Variants in ANKRD30BL observed in about 807,000 individuals in gnomAD.
ANKRD30BL encodes putative ankyrin repeat domain-containing protein 30B-like.
Under a neutral mutation model 18.4 loss-of-function variants are expected in ANKRD30BL, and 20 were observed. That is an observed-to-expected ratio of 1.09 (90% confidence interval 0.77 to 1.58). The LOEUF is 1.58. ANKRD30BL is among the 40% of genes most tolerant of loss of function. The pLI, the probability that ANKRD30BL is intolerant of heterozygous loss-of-function variation, is 0.00. For missense variants in ANKRD30BL, 224 were observed against 268.6 expected (o/e 0.83, Z 1.16); for synonymous variants, 72 against 100.9 (o/e 0.71, Z 1.72).
chr2:132,164,269 C>CTTTTTTTTTTTTTTTT (rs796313755), upstream of ANKRD30BL, among the ~76,000 whole-genome samples: 6 of 112,210 alleles, frequency 5.3e-5, no homozygotes, highest in East Asian at 1.2e-3. Flanking sequence ...TTTTCTTTTT[C>CTTTTTTTTTTTTTTTT]TTTTTTTTTT....
intron 1 of ANKRD30BL, among the ~76,000 whole-genome samples, chr2:132,220,575 A>G (rs62165524): frequency 0.17 from 25,680 of 151,366 alleles, 4,843 homozygotes; most frequent in African/African-American, 0.47. Flanking sequence ...TGTGTTGGCC[A>G]GGCCGGTCTC....
At chr2:132,168,028 T>C (rs1288540060) in intron 1 of ANKRD30BL, among the ~76,000 whole-genome samples, 1 of 152,206 alleles carries the variant, frequency 6.6e-6, no homozygotes, top group Non-Finnish European at 1.5e-5. Context: ...TTATTGTGTA[T>C]CTGAATTTCT....
intron 1 of ANKRD30BL, among the ~76,000 whole-genome samples, chr2:132,231,988 G>A (rs1357754594): frequency 6.6e-6 from 1 of 152,224 alleles, no homozygotes; most frequent in Non-Finnish European, 1.5e-5. Flanking sequence ...CTGGAGATCT[G>A]AGAACTGGCA....
chr2:132,157,019 A>T lies in ANKRD30BL; in HGVS notation c.461T>A (p.Val154Glu), dbSNP rs1209079126. Residue 154 changes from valine to glutamate, a missense_variant, in exon 3 of 6, where the codon GTG (valine) becomes GAG (glutamate). By Grantham distance (121) the Val-to-Glu change is moderately radical. Around this residue, in one of 3 missense-constraint regions of ANKRD30BL, gnomAD observed 30 missense variants for 77.5 expected, o/e 0.39. Transcript: ENST00000409867. The part of the protein sequence containing the change: ...YAVNSENLSV[V>E]AKLLSCGADI... ...TGCACCACAGGACAGCAATTTTGCC[A>T]CCACTGACAAATTCTCACTGTTAAC... 8.9e-6 allele frequency: 12 copies of T among 1,348,210 alleles called. No homozygotes were observed. The highest frequency in any genetic ancestry group is 1.2e-5 in the Non-Finnish European group (12 of 965,508). 83.5% of individuals were successfully genotyped at this position (1,348,210 alleles called of 1,614,324 possible).
upstream of ANKRD30BL, among the ~76,000 whole-genome samples, chr2:132,164,916 AAAAC>A (rs869277801): frequency 1.3e-5 from 2 of 152,160 alleles, no homozygotes; most frequent in African/African-American, 4.8e-5. Flanking sequence ...TACAAATACA[AAAAC>A]AAAATTAGCC....
chr2:132,199,316 C>T (rs371847948), intron 1 of ANKRD30BL, among the ~76,000 whole-genome samples: 20 of 152,076 alleles, frequency 1.3e-4, no homozygotes, highest in East Asian at 1.2e-3. Context: ...GCCAAGGATG[C>T]GCCACTGCAC....
At chr2:132,212,612 T>C (rs1260029090) in intron 1 of ANKRD30BL, among the ~76,000 whole-genome samples, 2 of 151,848 alleles carry the variant, frequency 1.3e-5, no homozygotes, top group Non-Finnish European at 2.9e-5. Context: ...TTGGAGTGCT[T>C]TGAGGCCTAT....
intron 1 of ANKRD30BL, among the ~76,000 whole-genome samples, chr2:132,246,157 C>T (rs201371086): frequency 3.3e-5 from 5 of 150,030 alleles, no homozygotes; most frequent in South Asian, 4.2e-4. Context: ...AAGCATTCTC[C>T]GAAACTTCTT....
At chr2:132,168,760 C>A (rs1298879881) in intron 1 of ANKRD30BL, among the ~76,000 whole-genome samples, 2 of 152,032 alleles carry the variant, frequency 1.3e-5, no homozygotes, top group South Asian at 4.1e-4. Context: ...GAAAGTGTAA[C>A]TTTGTAAGTT....
At chr2:132,245,388 T>C (rs936262323) in intron 1 of ANKRD30BL, among the ~76,000 whole-genome samples, 1 of 149,812 alleles carries the variant, frequency 6.7e-6, no homozygotes, top group East Asian at 2.0e-4. Context: ...TTTTGGAGTA[T>C]TTGGAATTGG....
chr2:132,179,492 T>G (rs1403308896), intron 1 of ANKRD30BL, among the ~76,000 whole-genome samples: 3 of 152,112 alleles, frequency 2.0e-5, no homozygotes, highest in Non-Finnish European at 2.9e-5. Flanking sequence ...TTTCACCATG[T>G]TGGCCAGGCT....
At chr2:132,221,707 C>G (rs1182421385) in intron 1 of ANKRD30BL, among the ~76,000 whole-genome samples, 2 of 117,594 alleles carry the variant, frequency 1.7e-5, no homozygotes, top group African/African-American at 4.4e-5. Flanking sequence ...GATCAGCCCC[C>G]TGCCTGGCCA....
At chr2:132,222,078 G>A (rs1444500498) in intron 1 of ANKRD30BL, among the ~76,000 whole-genome samples, 1 of 146,192 alleles carries the variant, frequency 6.8e-6, no homozygotes, top group Non-Finnish European at 1.5e-5. Context: ...CCGTCCGGGA[G>A]GGAGGTCGGG....
chr2:132,232,454 G>T (rs564040091), intron 1 of ANKRD30BL, among the ~76,000 whole-genome samples: 1 of 152,074 alleles, frequency 6.6e-6, no homozygotes, highest in South Asian at 2.1e-4. Context: ...TTAGAAGCAC[G>T]TATAACTAGA....
intron 1 of ANKRD30BL, among the ~76,000 whole-genome samples, chr2:132,180,737 G>A (rs1688445928): frequency 6.6e-6 from 1 of 152,084 alleles, no homozygotes; most frequent in Non-Finnish European, 1.5e-5. Flanking sequence ...TAACGATTAT[G>A]ATATACTCTG....
chr2:132,174,931 T>C (rs138107015), intron 1 of ANKRD30BL, among the ~76,000 whole-genome samples: 44 of 152,320 alleles, frequency 2.9e-4, no homozygotes, highest in African/African-American at 9.9e-4. Context: ...AAACTCCAAT[T>C]GTAAATTGAC....
At chr2:132,211,936 C>T (rs200895891) in intron 1 of ANKRD30BL, among the ~76,000 whole-genome samples, 16 of 145,552 alleles carry the variant, frequency 1.1e-4, no homozygotes, top group Non-Finnish European at 1.5e-4. Flanking sequence ...AGAATCATTC[C>T]GACAAACTTC....
intron 1 of ANKRD30BL, among the ~76,000 whole-genome samples, chr2:132,190,876 G>C (rs1163234121): frequency 6.6e-6 from 1 of 152,008 alleles, no homozygotes; most frequent in South Asian, 2.1e-4. Context: ...GTCTATTACA[G>C]GTCTTCCAAA....
chr2:132,210,618 C>T (rs1171726789), intron 1 of ANKRD30BL, among the ~76,000 whole-genome samples: 1 of 151,788 alleles, frequency 6.6e-6, no homozygotes, highest in Non-Finnish European at 1.5e-5. Context: ...TTGAAACTTT[C>T]TTTTGATTGA....
Sources: allele counts gnomAD v4.1 joint callset (sites outside exome capture counted in the v4.1 genomes callset), GRCh38; gene constraint gnomAD v4.1.1; regional missense constraint gnomAD v4.1.1; transcripts MANE v1.5; gene names NCBI Gene and HGNC (gene_info 2026-07-23, HGNC 2026-07-21).